TMEM131: variants seen among roughly 807,000 people sequenced by gnomAD.
TMEM131 encodes transmembrane protein 131, also known as 2610524E03Rik.
TMEM131 carries 66 observed loss-of-function variants against 211.6 expected under a neutral mutation model. The ratio of observed to expected loss-of-function variants is 0.31; its 90% CI spans 0.26 to 0.38. The LOEUF is 0.38. TMEM131 is among the 10% of genes least tolerant of loss of function. The probability of loss-of-function intolerance (pLI) is 1.00; values close to 1 mark genes in which losing one functional copy is unlikely to be tolerated. For synonymous variants in TMEM131, 844 were observed against 841.3 expected, an observed-to-expected ratio of 1.00 and a Z score of -0.06; for missense variants, 2,036 against 2,299.3, an observed-to-expected ratio of 0.89 and a Z score of 2.34.
chr2:97,994,806 C>G, intron 1 of TMEM131, among the ~76,000 whole-genome samples: 1 of 152,188 alleles, frequency 6.6e-6, no homozygotes, highest in East Asian at 1.9e-4. Flanking sequence ...CAGCCCTTAA[C>G]TGTAAATTAT....
intron 1 of TMEM131, among the ~76,000 whole-genome samples, chr2:97,942,834 C>CA (rs1286648839): frequency 2.6e-5 from 4 of 151,246 alleles, no homozygotes; most frequent in Non-Finnish European, 5.9e-5. Context: ...TAAAGAAGGA[C>CA]AAAAAACAGG....
At chr2:97,815,860 A>G (rs535124532) in intron 12 of TMEM131, among the ~76,000 whole-genome samples, 1 of 152,298 alleles carries the variant, frequency 6.6e-6, no homozygotes, top group Non-Finnish European at 1.5e-5. Context: ...CATTTCTTGT[A>G]TGGCCAAAGT....
intron 2 of TMEM131, chr2:97,911,799 T>A (rs993503344): frequency 2.5e-5 from 7 of 275,022 alleles, no homozygotes; most frequent in Non-Finnish European, 3.9e-5. Context: ...AACACATCCT[T>A]AAGTGTTATG....
At chr2:97,886,290 G>T (rs186112623) in intron 4 of TMEM131, among the ~76,000 whole-genome samples, 3 of 152,094 alleles carry the variant, frequency 2.0e-5, no homozygotes, top group Non-Finnish European at 1.5e-5. Context: ...TGTTACTGAA[G>T]AATTATTGTT....
chr2:97,776,049 T>C (rs1197881864), intron 31 of TMEM131, 31 bp from the exon 32 acceptor site: 3 of 1,585,510 alleles, frequency 1.9e-6, no homozygotes, highest in African/African-American at 1.4e-5. Context: ...AAAAGAACTC[T>C]TGTTTTTGTT....
chr2:97,892,463 C>T (rs1232222139), intron 3 of TMEM131, among the ~76,000 whole-genome samples: 2 of 152,102 alleles, frequency 1.3e-5, no homozygotes, highest in Admixed American at 1.3e-4. Context: ...TGGGCTCAAG[C>T]CACCCTCTTG....
In TMEM131 at chr2:97,811,507, C is replaced by T. The variant is rs1681546576; in HGVS notation, c.1864-275G>A. Among the ~76,000 whole-genome samples, 4 of 152,262 alleles carry T rather than the reference C, an allele frequency of 2.6e-5. No individual in the cohort carries two copies. The South Asian group carries it at 6.2e-4, about 24-fold the overall frequency. On this transcript the variant is annotated intron_variant, in intron 17 of 40. Transcript: ENST00000186436. ...GCTAATAAAGCTCCTCACTCTTTACCCATGGACCTGTATGGCCAAAGGGGC... is the reference window on the plus strand; with the variant it reads ...GCTAATAAAGCTCCTCACTCTTTACTCATGGACCTGTATGGCCAAAGGGGC...
Position 97,772,420 on chromosome 2 carries a change from G to A in TMEM131, c.4325C>T (p.Thr1442Ile). The change falls in exon 33 of 41, where the codon ACA becomes ATA. Residue 1442 changes from threonine (T) to isoleucine (I), a missense_variant. Coordinates refer to ENST00000186436, the MANE Select transcript of TMEM131 (RefSeq NM_015348.2). The part of the protein sequence containing the change: ...PDTEPLLKED[T>I]EKQKGKQAMP... Reference sequence around the variant, plus strand: ...GGCTTGTTTTCCCTTTTGCTTTTCTGTATCCTGTAAAAAATGGACACTTAA... The same window carrying A: ...GGCTTGTTTTCCCTTTTGCTTTTCTATATCCTGTAAAAAATGGACACTTAA... 1 of 1,610,212 alleles carries A rather than the reference G, an allele frequency of 6.2e-7. No homozygotes were observed. Among genetic ancestry groups the A allele is most frequent in the Non-Finnish European group, 8.5e-7 (1 of 1,178,946 alleles).
At position 97,893,386 on chromosome 2, in the gene TMEM131, T is replaced by C. The variant is rs549947784; in HGVS notation, c.291-5266A>G. 3.3e-5 allele frequency among the ~76,000 whole-genome samples: 5 copies of C among 152,356 alleles called. No homozygotes were observed. In the East Asian group the frequency reaches 7.7e-4, roughly 24 times the overall value. ...TGTGTCTTTATAGCAGAATGATTTATAGTCCTTTGGGTATATACCCAGTAA... is the reference window on the plus strand; with the variant it reads ...TGTGTCTTTATAGCAGAATGATTTACAGTCCTTTGGGTATATACCCAGTAA... On this transcript the variant is annotated intron_variant, in intron 3 of 40. Coordinates refer to ENST00000186436, the MANE Select transcript of TMEM131 (RefSeq NM_015348.2).
intron 1 of TMEM131, among the ~76,000 whole-genome samples, chr2:97,961,931 C>T (rs1678836342): frequency 6.6e-6 from 1 of 152,274 alleles, no homozygotes; most frequent in East Asian, 1.9e-4. Flanking sequence ...TTGCAATATG[C>T]ATTATTTACA....
intron 12 of TMEM131, among the ~76,000 whole-genome samples, chr2:97,816,645 C>A (rs1016280970): frequency 3.9e-5 from 6 of 152,170 alleles, no homozygotes; most frequent in African/African-American, 1.4e-4. Flanking sequence ...CCTCTTATTT[C>A]TCTGCTTGCT....
intron 1 of TMEM131, among the ~76,000 whole-genome samples, chr2:97,964,242 A>C (rs1382632740): frequency 6.6e-6 from 1 of 152,266 alleles, no homozygotes; most frequent in Non-Finnish European, 1.5e-5. Flanking sequence ...CTGCTGTAAT[A>C]CAATTTAGGA....
intron 25 of TMEM131, among the ~76,000 whole-genome samples, chr2:97,798,396 T>G (rs939660795): frequency 3.3e-5 from 5 of 152,230 alleles, no homozygotes; most frequent in African/African-American, 1.2e-4. Context: ...AGGGTGCATT[T>G]TGTATTGTTT....
At chr2:97,983,261 T>C (rs1679878241) in intron 1 of TMEM131, among the ~76,000 whole-genome samples, 2 of 152,182 alleles carry the variant, frequency 1.3e-5, no homozygotes, top group South Asian at 4.2e-4. Flanking sequence ...GAAACTGCTG[T>C]AGTGACAGTC....
chr2:97,902,185 G>C (rs775020849), intron 3 of TMEM131, among the ~76,000 whole-genome samples: 1 of 152,088 alleles, frequency 6.6e-6, no homozygotes, highest in African/African-American at 2.4e-5. Flanking sequence ...ATGGGTGTGG[G>C]GGTGGGAGAA....
intron 1 of TMEM131, among the ~76,000 whole-genome samples, chr2:97,928,436 A>T (rs977358948): frequency 6.6e-6 from 1 of 151,824 alleles, no homozygotes; most frequent in African/African-American, 2.4e-5. Context: ...GTCAAAACAG[A>T]ACTTCACAGC....
At chr2:97,761,911 G>T in intron 36 of TMEM131, 124 bp downstream of exon 36, 1 of 1,145,696 alleles carries the variant, frequency 8.7e-7, no homozygotes, top group Non-Finnish European at 1.2e-6. Context: ...CACACAAGCT[G>T]GCAGCCATCA....
At chr2:97,939,844 CCT>C (rs747082464) in intron 1 of TMEM131, among the ~76,000 whole-genome samples, 4 of 152,118 alleles carry the variant, frequency 2.6e-5, no homozygotes, top group Non-Finnish European at 5.9e-5. Flanking sequence ...TGGCTTCATC[CCT>C]GAGATGTAAG....
At chr2:97,927,303 TA>T in intron 2 of TMEM131, 122 bp downstream of exon 2, 1 of 668,710 alleles carries the variant, frequency 1.5e-6, no homozygotes, top group Non-Finnish European at 2.3e-6. Flanking sequence ...TCTACTGACC[TA>T]TCTTCAAAGC....
Sources: allele counts gnomAD v4.1 joint callset (sites outside exome capture counted in the v4.1 genomes callset), GRCh38; gene constraint gnomAD v4.1.1; transcripts MANE v1.5; gene names NCBI Gene and HGNC (gene_info 2026-07-23, HGNC 2026-07-21).